Variants in PROX1 observed in about 807,000 individuals in gnomAD.
PROX1 encodes the protein prospero homeobox protein 1.
PROX1 carries 7 observed loss-of-function variants against 58.8 expected under a neutral mutation model. The observed-to-expected ratio is 0.12, with a 90% CI of 0.07 to 0.22. The LOEUF (loss-of-function observed/expected upper bound fraction) is 0.22. PROX1 is among the 10% of genes least tolerant of loss of function. The probability of loss-of-function intolerance (pLI) is 1.00; values close to 1 mark genes in which losing one functional copy is unlikely to be tolerated. For synonymous variants in PROX1, 350 were observed against 358.3 expected (o/e 0.98, Z 0.26); for missense variants, 675 against 927.8 (o/e 0.73, Z 3.54).
intron 1 of PROX1, among the ~76,000 whole-genome samples, chr1:213,991,956 A>G (rs1296792847): frequency 1.3e-5 from 2 of 152,232 alleles, no homozygotes; most frequent in African/African-American, 4.8e-5. Flanking sequence ...TTGGAAAGGA[A>G]CCATATACAT....
intron 1 of PROX1, among the ~76,000 whole-genome samples, 194 bp from the exon 2 acceptor site, chr1:213,996,275 T>A (rs544321146): frequency 1.6e-4 from 24 of 152,270 alleles, no homozygotes; most frequent in Admixed American, 4.6e-4. Flanking sequence ...TTAATCTTAA[T>A]CCATCTTAAA....
intron 2 of PROX1, 142 bp from the exon 3 acceptor site, chr1:214,005,023 C>A (rs764846968): frequency 5.3e-6 from 3 of 561,546 alleles, no homozygotes; most frequent in Admixed American, 3.5e-5. Flanking sequence ...GCAATGGATG[C>A]CATAGCCAGT....
chr1:213,999,915 A>G (rs967692972), intron 2 of PROX1, among the ~76,000 whole-genome samples: 3 of 152,186 alleles, frequency 2.0e-5, no homozygotes, highest in Non-Finnish European at 4.4e-5. Context: ...TTGCAAAAAG[A>G]GCATCTTCAG....
upstream of PROX1, among the ~76,000 whole-genome samples, chr1:213,986,967 A>T (rs1051584997): frequency 1.1e-4 from 17 of 152,342 alleles, no homozygotes; most frequent in Non-Finnish European, 2.2e-4. Context: ...CCTGCGATTT[A>T]TGCGTTTGAA....
At chr1:214,032,080 A>G (rs1664677499) in intron 4 of PROX1, among the ~76,000 whole-genome samples, 1 of 152,180 alleles carries the variant, frequency 6.6e-6, no homozygotes, top group African/African-American at 2.4e-5. Flanking sequence ...CAATAACCAA[A>G]GTCTCCTCCA....
At chr1:213,991,212 T>G (rs980885154) in intron 1 of PROX1, among the ~76,000 whole-genome samples, 3 of 152,218 alleles carry the variant, frequency 2.0e-5, no homozygotes, top group Non-Finnish European at 4.4e-5. Context: ...GGGAATTCAA[T>G]GTAAGCACTA....
upstream of PROX1, chr1:213,986,141 C>T (rs1662818201): frequency 6.6e-6 from 1 of 152,220 alleles, no homozygotes; most frequent in African/African-American, 2.4e-5. Context: ...TTTCTGCTCC[C>T]AGCCTCAACT....
upstream of PROX1, chr1:213,984,790 C>T (rs1157843645): frequency 6.5e-6 from 1 of 153,034 alleles, no homozygotes; most frequent in Non-Finnish European, 1.5e-5. Flanking sequence ...CCTTAGGCAC[C>T]CTTTTCCAAA....
intron 4 of PROX1, among the ~76,000 whole-genome samples, chr1:214,027,920 A>C (rs1217684589): frequency 6.6e-6 from 1 of 151,446 alleles, no homozygotes; most frequent in East Asian, 1.9e-4. Context: ...TGTTTAGACC[A>C]AGGAAACATA....
intron 1 of PROX1, among the ~76,000 whole-genome samples, chr1:213,989,074 A>AT: frequency 6.6e-6 from 1 of 151,710 alleles, no homozygotes; most frequent in Non-Finnish European, 1.5e-5. Context: ...GGCTCTTCCA[A>AT]TTTGCTTGTC....
rs544767235 is a variant in PROX1, at chr1:214,005,862, A to C, written c.1833+590A>C. Among the ~76,000 whole-genome samples the C allele has an allele frequency of 6.6e-5, 10 of 152,300 alleles. No homozygotes were observed. The East Asian group carries it at 1.5e-3, about 24-fold the overall frequency. On this transcript the variant is annotated intron_variant, in intron 3 of 4. Transcript: ENST00000366958. ...CAGGACACATTATTCAAATGAGGAT[A>C]TGAAAGCTGTCGGCCTACAGCTGCA...
At chr1:213,985,185 C>T (rs375144483), upstream of PROX1, 1 of 152,224 alleles carries the variant, frequency 6.6e-6, no homozygotes, top group East Asian at 1.9e-4. Flanking sequence ...GTTGTCTTAA[C>T]CCTAGGCTTG....
chr1:214,015,048 G>A (rs996456008), intron 4 of PROX1, among the ~76,000 whole-genome samples: 1 of 152,164 alleles, frequency 6.6e-6, no homozygotes. Flanking sequence ...CCTTCTAAGT[G>A]GCAGTAGAGC....
intron 4 of PROX1, among the ~76,000 whole-genome samples, chr1:214,018,101 G>A (rs1664157440): frequency 6.6e-6 from 1 of 152,194 alleles, no homozygotes; most frequent in African/African-American, 2.4e-5. Flanking sequence ...TCGCCTAGAT[G>A]AAACAAATTC....
intron 3 of PROX1, among the ~76,000 whole-genome samples, chr1:214,009,439 C>T (rs77570044): frequency 6.6e-6 from 1 of 152,274 alleles, no homozygotes; most frequent in East Asian, 1.9e-4. Flanking sequence ...TTTTCTCCCC[C>T]AGTGTGAATA....
rs1234080713 is a variant in PROX1, at chr1:213,997,284, T to C, written c.749T>C (p.Leu250Pro). The C allele has an allele frequency of 6.2e-7, 1 of 1,614,058 alleles. No homozygotes were observed. Among genetic ancestry groups the C allele is most frequent in the Non-Finnish European group, 8.5e-7 (1 of 1,180,018 alleles). ...CAGCTGGAGGACATGCAGAAACAGCTGCGCCAGCTGCAGGAAAAGTTCTAC... is the reference window on the plus strand; with the variant it reads ...CAGCTGGAGGACATGCAGAAACAGCCGCGCCAGCTGCAGGAAAAGTTCTAC... ...KQQLEDMQKQLRQLQEKFYQI... is the reference protein window; with the variant it reads ...KQQLEDMQKQPRQLQEKFYQI... Residue 250 changes from leucine to proline, a missense_variant, in exon 2 of 5, where the codon CTG (leucine) becomes CCG (proline). Physicochemically the swap from Leu to Pro is moderately conservative, Grantham distance 98. Around this residue, in one of 8 missense-constraint regions of PROX1, gnomAD observed 403 missense variants for 477.4 expected, o/e 0.84. Coordinates refer to ENST00000366958, the MANE Select transcript of PROX1 (RefSeq NM_001270616.2). The surrounding 1 kb of genome is among the most constrained non-coding windows in gnomAD (Gnocchi z 7.1).
At chr1:214,009,403 A>G (rs1663829833) in intron 3 of PROX1, among the ~76,000 whole-genome samples, 1 of 152,210 alleles carries the variant, frequency 6.6e-6, no homozygotes, top group Non-Finnish European at 1.5e-5. Context: ...AGAATGAGGG[A>G]AATTAACTCT....
At position 213,997,688 on chromosome 1, in the gene PROX1, C is replaced by A. The variant is rs770114978; in HGVS notation, c.1153C>A (p.Pro385Thr). The change falls in exon 2 of 5, where the codon CCT (proline) becomes ACT (threonine). Residue 385 changes from proline to threonine, a missense_variant. By Grantham distance (38) the Pro-to-Thr change is conservative (BLOSUM62 -1). This residue lies in a region of PROX1 where 403 missense variants were observed against 477.4 expected (regional missense o/e 0.84). Transcript: ENST00000366958. This position sits in a 1 kb window ranked among gnomAD's most constrained non-coding sequence, Gnocchi z 7.1. ...CCGCCAGGTTCCTCAGGTCTTCCCA[C>A]CTCTCCAGATCCCCCAGGCCAGATT... ...PSRQVPQVFP[P>T]LQIPQARFAV... The A allele has an allele frequency of 1.2e-5, 19 of 1,614,034 alleles. No individual in the cohort carries two copies. The highest frequency in any genetic ancestry group is 2.7e-5 in the African/African-American group (2 of 74,932).
chr1:214,027,950 T>TC (rs61339669), intron 4 of PROX1, among the ~76,000 whole-genome samples: 1 of 151,698 alleles, frequency 6.6e-6, no homozygotes, highest in Non-Finnish European at 1.5e-5. Flanking sequence ...TTTTTTTTTT[T>TC]CTTAAGACAG....
Sources: gnomAD v4.1 joint callset for allele counts (sites outside exome capture counted in the v4.1 genomes callset) on GRCh38, gnomAD v4.1.1 for gene constraint, gnomAD v4.1.1 regional missense constraint, Gnocchi (gnomAD v3.1) non-coding constraint, MANE v1.5 for transcripts, NCBI Gene and HGNC (gene_info 2026-07-23, HGNC 2026-07-21) for gene names.